LRP1B: variants seen among roughly 807,000 people sequenced by gnomAD.
LRP1B encodes low-density lipoprotein receptor-related protein 1B.
Under a neutral mutation model 556.6 loss-of-function variants are expected in LRP1B, and 217 were observed. That is an observed-to-expected ratio of 0.39 (90% CI 0.35 to 0.44). LRP1B has a LOEUF of 0.44. LRP1B is among the 20% of genes least tolerant of loss of function. The probability of loss-of-function intolerance (pLI) is 1.00; values close to 1 mark genes in which losing one functional copy is unlikely to be tolerated. For missense variants in LRP1B, 5,053 were observed against 5,620.8 expected (o/e 0.90, Z 3.23); for synonymous variants, 2,047 against 1,865.8 (o/e 1.10, Z -2.50).
At chr2:140,653,017 G>C (rs916728831) in intron 41 of LRP1B, among the ~76,000 whole-genome samples, 1 of 151,950 alleles carries the variant, frequency 6.6e-6, no homozygotes, top group South Asian at 2.1e-4. Flanking sequence ...ATACGTTTGA[G>C]GAATATCTCC....
chr2:140,532,048 T>C (rs1052435471), intron 47 of LRP1B, among the ~76,000 whole-genome samples: 2 of 152,090 alleles, frequency 1.3e-5, no homozygotes, highest in African/African-American at 4.8e-5. Context: ...ATACTTCTGA[T>C]CAACATCTAT....
chr2:141,565,907 A>ATT (rs548783923), intron 2 of LRP1B, among the ~76,000 whole-genome samples: 1 of 149,744 alleles, frequency 6.7e-6, no homozygotes, highest in East Asian at 2.0e-4. Flanking sequence ...ATTGAGCACC[A>ATT]TTTTTTTTTG....
intron 11 of LRP1B, among the ~76,000 whole-genome samples, chr2:141,031,577 A>G (rs1324679479): frequency 6.6e-6 from 1 of 151,996 alleles, no homozygotes. Flanking sequence ...ATATGTATAG[A>G]TTACAAAAAA....
chr2:141,016,689 C>T (rs960957567), intron 12 of LRP1B, among the ~76,000 whole-genome samples: 4 of 152,162 alleles, frequency 2.6e-5, no homozygotes, highest in South Asian at 4.1e-4. Flanking sequence ...GTTCCATTTG[C>T]CTCATGAATG....
chr2:140,265,403 A>G (rs1240813861), intron 86 of LRP1B, among the ~76,000 whole-genome samples: 5 of 152,078 alleles, frequency 3.3e-5, no homozygotes, highest in African/African-American at 1.2e-4. Flanking sequence ...TTCTGTTGGC[A>G]TTTTCTGTTT....
In LRP1B at chr2:142,113,326, A is replaced by G. The variant is rs186038812; in HGVS notation, c.82+17322T>C. On this transcript the variant is annotated intron_variant, in intron 1 of 90. Coordinates refer to ENST00000389484, the MANE Select transcript of LRP1B (RefSeq NM_018557.3). ...TTTCCAGCTAGCTCTGTTTCTCACT[A>G]CCTTACTAGAGCTATTATCAGAAGT... is the stretch of plus-strand genomic sequence containing the variant. Among the ~76,000 whole-genome samples the G allele has an allele frequency of 1.4e-3, 218 of 152,220 alleles. 1 individual carries two copies. The highest frequency in any genetic ancestry group is 5.0e-3 in the African/African-American group (208 of 41,542).
intron 51 of LRP1B, among the ~76,000 whole-genome samples, chr2:140,512,320 A>G (rs1436873871): frequency 6.6e-6 from 1 of 152,178 alleles, no homozygotes; most frequent in Non-Finnish European, 1.5e-5. Context: ...AACATGCCAA[A>G]ACATCATAGT....
rs1454258126 is a variant in LRP1B at position 141,516,326 on chromosome 2, A to T, written c.206-35793T>A. On this transcript the variant is annotated intron_variant, in intron 2 of 90. Transcript: ENST00000389484. ...AAATATAAAATATTGATTATGCTCA[A>T]ATCTCCTCTTTATATACCTGATAAT... Among the ~76,000 whole-genome samples, 3 of 152,272 alleles carry T rather than the reference A, an allele frequency of 2.0e-5. No individual in the cohort carries two copies. The East Asian group carries it at 5.8e-4, about 29-fold the overall frequency.
chr2:141,099,290 C>G (rs576840725), intron 7 of LRP1B, among the ~76,000 whole-genome samples: 1 of 151,980 alleles, frequency 6.6e-6, no homozygotes, highest in East Asian at 1.9e-4. Context: ...GCAAGTAAAG[C>G]TTATGAATAG....
At chr2:141,725,856 ATC>A (rs1362824349) in intron 2 of LRP1B, among the ~76,000 whole-genome samples, 1 of 151,594 alleles carries the variant, frequency 6.6e-6, no homozygotes, top group African/African-American at 2.4e-5. Context: ...GAAAAAAAAA[ATC>A]TGTTTTTAAA....
At chr2:141,686,945 G>A (rs1314146019) in intron 2 of LRP1B, among the ~76,000 whole-genome samples, 1 of 151,828 alleles carries the variant, frequency 6.6e-6, no homozygotes, top group African/African-American at 2.4e-5. Context: ...CAGCAAGAAG[G>A]CTCTCACCTA....
chr2:140,898,716 G>A (rs575550839), intron 23 of LRP1B: 2 of 518,250 alleles, frequency 3.9e-6, no homozygotes, highest in East Asian at 5.4e-5. Context: ...TCACCTGAGA[G>A]AGCTGCCATC....
chr2:141,210,625 G>A (rs1682501314), intron 6 of LRP1B, among the ~76,000 whole-genome samples: 1 of 152,040 alleles, frequency 6.6e-6, no homozygotes, highest in Admixed American at 6.5e-5. Context: ...CACAGTGATG[G>A]TATCATCAAG....
rs577851225 is a variant in LRP1B at position 141,559,581 on chromosome 2, A to G, written c.206-79048T>C. ...GTCAGTATTAATTTGGGTAGTAGAT[A>G]TCTGTTGTAATTTTAAGAAATGGGT... On this transcript the variant is annotated intron_variant, in intron 2 of 90. Coordinates refer to ENST00000389484, the MANE Select transcript of LRP1B (RefSeq NM_018557.3). Among the ~76,000 whole-genome samples the G allele has an allele frequency of 6.1e-3, 924 of 151,770 alleles. 3 individuals carry two copies. The highest frequency in any genetic ancestry group is 0.01 in the Non-Finnish European group (709 of 67,714).
chr2:140,682,750 C>A (rs1294113457), intron 41 of LRP1B, among the ~76,000 whole-genome samples: 1 of 150,918 alleles, frequency 6.6e-6, no homozygotes, highest in Non-Finnish European at 1.5e-5. Flanking sequence ...AAGTATATAG[C>A]ATGTGAACCA....
rs148754119 is a variant in LRP1B, at chr2:140,910,501, T to C, written c.3320-2424A>G. On this transcript the variant is annotated intron_variant, in intron 21 of 90. Coordinates refer to ENST00000389484, the MANE Select transcript of LRP1B (RefSeq NM_018557.3). The stretch of plus-strand genomic sequence containing the variant: ...CATATTTTATTCCATATTGCAACAA[T>C]AAACTCCATAGACAAAGTCACTGGA... Among the ~76,000 whole-genome samples, 382 of 151,846 alleles carry C rather than the reference T, an allele frequency of 2.5e-3. 1 individual carries two copies. The highest frequency in any genetic ancestry group is 9.0e-3 in the African/African-American group (374 of 41,522).
At chr2:140,890,530 AT>A (rs1472795308) in intron 23 of LRP1B, among the ~76,000 whole-genome samples, 1 of 152,128 alleles carries the variant, frequency 6.6e-6, no homozygotes, top group Non-Finnish European at 1.5e-5. Flanking sequence ...TTGAGAAAAC[AT>A]TTGTTTGATA....
chr2:140,338,362 C>T (rs1681204912), intron 77 of LRP1B, among the ~76,000 whole-genome samples: 1 of 151,558 alleles, frequency 6.6e-6, no homozygotes. Context: ...TATTTATTTT[C>T]AACACTGAAG....
At chr2:141,478,500 C>T (rs1055154964) in intron 3 of LRP1B, among the ~76,000 whole-genome samples, 16 of 149,244 alleles carry the variant, frequency 1.1e-4, no homozygotes, top group Admixed American at 3.4e-4. Context: ...ATCCTTCTTT[C>T]CTTCTTTCCC....
Sources: gnomAD v4.1 joint callset for allele counts (sites outside exome capture counted in the v4.1 genomes callset) on GRCh38, gnomAD v4.1.1 for gene constraint, MANE v1.5 for transcripts, NCBI Gene and HGNC (gene_info 2026-07-23, HGNC 2026-07-21) for gene names.